Variants in FOXP1 observed in about 807,000 individuals in gnomAD.
The protein encoded by FOXP1 is forkhead box protein P1.
Under a neutral mutation model 98.2 loss-of-function variants are expected in FOXP1, and 15 were observed. That is an observed-to-expected ratio of 0.15 (90% CI 0.10 to 0.24). The LOEUF is 0.24. Ranked by LOEUF, FOXP1 falls within the 10% of genes least tolerant of loss-of-function variation. The pLI is 1.00. For missense variants in FOXP1, 633 were observed against 848.5 expected, an observed-to-expected ratio of 0.75 and a Z score of 3.15; for synonymous variants, 371 against 314.5, an observed-to-expected ratio of 1.18 and a Z score of -1.90.
At chr3:71,246,468 T>C (rs1327948344) in intron 5 of FOXP1, among the ~76,000 whole-genome samples, 2 of 151,754 alleles carry the variant, frequency 1.3e-5, no homozygotes, top group African/African-American at 4.8e-5. Context: ...TCAGAAAGAG[T>C]TCCTCCCTAG....
At chr3:71,188,500 T>G (rs900250467) in intron 6 of FOXP1, among the ~76,000 whole-genome samples, 1 of 151,870 alleles carries the variant, frequency 6.6e-6, no homozygotes, top group Admixed American at 6.6e-5. Flanking sequence ...CTGCAACCTC[T>G]GCCTCCCAGG....
chr3:71,555,004 T>G (rs923171242), intron 2 of FOXP1, among the ~76,000 whole-genome samples: 1 of 152,212 alleles, frequency 6.6e-6, no homozygotes, highest in Non-Finnish European at 1.5e-5. Flanking sequence ...ATGTAATATT[T>G]CAGTAAACAA....
chr3:71,166,815 C>A (rs72951375), intron 6 of FOXP1, among the ~76,000 whole-genome samples: 3 of 152,170 alleles, frequency 2.0e-5, no homozygotes, highest in South Asian at 2.1e-4. Context: ...AAAACACACA[C>A]AAAGAATTTT....
chr3:71,293,867 A>G (rs2073017705), intron 5 of FOXP1, among the ~76,000 whole-genome samples: 1 of 152,196 alleles, frequency 6.6e-6, no homozygotes, highest in South Asian at 2.1e-4. Context: ...AAAAACAGTA[A>G]TTTTTCCCCA....
intron 20 of FOXP1, among the ~76,000 whole-genome samples, chr3:70,963,587 A>G (rs1161342067): frequency 6.6e-6 from 1 of 152,104 alleles, no homozygotes; most frequent in Non-Finnish European, 1.5e-5. Context: ...CTACCGCTGA[A>G]TAACTGTGTG....
chr3:71,228,943 AGTAAAAT>A (rs2066059012), intron 5 of FOXP1, among the ~76,000 whole-genome samples: 1 of 149,678 alleles, frequency 6.7e-6, no homozygotes, highest in African/African-American at 2.5e-5. Context: ...AGGGTTTCCT[AGTAAAAT>A]GCTTTTACTG....
chr3:71,459,943 T>C (rs560463223), intron 3 of FOXP1, among the ~76,000 whole-genome samples: 1 of 149,286 alleles, frequency 6.7e-6, no homozygotes, highest in South Asian at 2.1e-4. Context: ...TTTTTTTTTT[T>C]CTTTTTTTAA....
intron 3 of FOXP1, among the ~76,000 whole-genome samples, chr3:71,461,318 C>T (rs920750414): frequency 6.6e-6 from 1 of 152,148 alleles, no homozygotes; most frequent in East Asian, 1.9e-4. Context: ...AAAAGTCAAA[C>T]TAACATCACG....
intron 5 of FOXP1, among the ~76,000 whole-genome samples, chr3:71,282,760 G>A (rs34271578): frequency 0.11 from 16,395 of 152,074 alleles, 971 homozygotes; most frequent in East Asian, 0.16. Flanking sequence ...TTCCTATAAG[G>A]CAGGTCCTTT....
At chr3:71,371,557 A>T (rs1442807081) in intron 3 of FOXP1, among the ~76,000 whole-genome samples, 2 of 152,220 alleles carry the variant, frequency 1.3e-5, no homozygotes, top group African/African-American at 4.8e-5. Flanking sequence ...AGCCTGAGGC[A>T]GGAAGATCGC....
At chr3:71,369,306 C>T (rs2079128945) in intron 3 of FOXP1, among the ~76,000 whole-genome samples, 1 of 152,220 alleles carries the variant, frequency 6.6e-6, no homozygotes, top group South Asian at 2.1e-4. Flanking sequence ...AAGAGAATAG[C>T]TTGAATCTGG....
At chr3:71,241,615 G>A (rs1173803980) in intron 5 of FOXP1, among the ~76,000 whole-genome samples, 1 of 152,234 alleles carries the variant, frequency 6.6e-6, no homozygotes, top group Non-Finnish European at 1.5e-5. Context: ...GGGCTTATAA[G>A]AGAGGGGCTG....
chr3:71,216,155 C>T (rs553016931), intron 5 of FOXP1, among the ~76,000 whole-genome samples: 107 of 152,296 alleles, frequency 7.0e-4, no homozygotes, highest in African/African-American at 2.5e-3. Flanking sequence ...GGAGCAGAGG[C>T]GCCTTGAGTC....
chr3:71,113,408 G>A (rs1228536456), intron 6 of FOXP1, among the ~76,000 whole-genome samples: 3 of 152,158 alleles, frequency 2.0e-5, no homozygotes, highest in African/African-American at 7.2e-5. Context: ...CCTCTAAAAT[G>A]TTTAACATAT....
At chr3:71,197,972 AG>A in intron 6 of FOXP1, 1 of 1,614,082 alleles carries the variant, frequency 6.2e-7, no homozygotes, top group East Asian at 2.2e-5. Context: ...GCTCCCCACA[AG>A]GGGACCTGCA....
At chr3:71,547,635 G>C (rs1054601543) in intron 2 of FOXP1, among the ~76,000 whole-genome samples, 2 of 152,206 alleles carry the variant, frequency 1.3e-5, no homozygotes, top group African/African-American at 4.8e-5. Context: ...TGGGGCCCAA[G>C]GCAGAGAAGA....
intron 19 of FOXP1, chr3:70,966,344 G>A (rs1471418159): frequency 1.6e-5 from 7 of 439,338 alleles, no homozygotes; most frequent in Middle Eastern, 6.6e-4. Flanking sequence ...ACGGGCTTTC[G>A]AATATGAGGT....
intron 3 of FOXP1, among the ~76,000 whole-genome samples, chr3:71,413,935 C>T (rs1028032982): frequency 1.3e-5 from 2 of 151,872 alleles, no homozygotes; most frequent in Non-Finnish European, 2.9e-5. Flanking sequence ...CATGGAATTA[C>T]GAGAAGGAGC....
intron 12 of FOXP1, among the ~76,000 whole-genome samples, chr3:71,015,154 G>A (rs1483537985): frequency 2.7e-5 from 4 of 150,904 alleles, no homozygotes; most frequent in Non-Finnish European, 5.9e-5. Context: ...AAAAAAAGAA[G>A]ATGACACCTC....
Sources: allele counts gnomAD v4.1 joint callset (sites outside exome capture counted in the v4.1 genomes callset), GRCh38; gene constraint gnomAD v4.1.1; transcripts MANE v1.5; gene names NCBI Gene and HGNC (gene_info 2026-07-23, HGNC 2026-07-21).